MORC1: variants seen among roughly 807,000 people sequenced by gnomAD.
The protein encoded by MORC1 is MORC family CW-type zinc finger 1, also known as MORC family CW-type zinc finger protein 1.
In MORC1, 59 loss-of-function variants were observed where a neutral mutation model predicts 134.9. The observed-to-expected ratio is 0.44, with a 90% CI of 0.35 to 0.54. MORC1 has a LOEUF of 0.54. MORC1 is among the 20% of genes least tolerant of loss of function. The probability of loss-of-function intolerance (pLI) is 0.00; values close to 1 mark genes in which losing one functional copy is unlikely to be tolerated. For synonymous variants in MORC1, 395 were observed against 391.7 expected (o/e 1.01, Z -0.10); for missense variants, 947 against 1,134.5 (o/e 0.83, Z 2.37).
chr3:109,099,571 C>T (rs1950888590), intron 5 of MORC1, 105 bp from the exon 6 acceptor site: 1 of 834,534 alleles, frequency 1.2e-6, no homozygotes, highest in African/African-American at 1.8e-5. Flanking sequence ...TTCTTTCCAA[C>T]ACTCTGTTCT....
intron 17 of MORC1, among the ~76,000 whole-genome samples, chr3:109,024,631 T>A (rs1482960357): frequency 1.3e-5 from 2 of 152,168 alleles, no homozygotes; most frequent in African/African-American, 2.4e-5. Flanking sequence ...TTATATTCAC[T>A]ACACAGGTCT....
chr3:109,081,705 G>A (rs561640231), intron 8 of MORC1, among the ~76,000 whole-genome samples: 18 of 151,982 alleles, frequency 1.2e-4, no homozygotes, highest in African/African-American at 3.1e-4. Flanking sequence ...TGCCTGCCTC[G>A]GCCTCCCAAA....
chr3:108,993,848 C>T (rs1186075709), intron 21 of MORC1, among the ~76,000 whole-genome samples: 3 of 152,044 alleles, frequency 2.0e-5, no homozygotes, highest in African/African-American at 4.8e-5. Flanking sequence ...TGTTATGATT[C>T]GCTATCATGT....
chr3:109,110,876 TC>T (rs1398347852), intron 2 of MORC1, 93 bp from the exon 3 acceptor site: 1 of 907,308 alleles, frequency 1.1e-6, no homozygotes, highest in Non-Finnish European at 1.6e-6. Context: ...AATACAAAAA[TC>T]CACTTAAATT....
intron 8 of MORC1, among the ~76,000 whole-genome samples, chr3:109,083,324 C>A (rs920399525): frequency 6.7e-5 from 6 of 89,912 alleles, no homozygotes; most frequent in Non-Finnish European, 1.2e-4. Flanking sequence ...AAAAAAAAAA[C>A]CTTTTCGAGA....
At chr3:109,075,386 C>T (rs755248395) in intron 8 of MORC1, among the ~76,000 whole-genome samples, 10 of 152,038 alleles carry the variant, frequency 6.6e-5, no homozygotes, top group Non-Finnish European at 1.2e-4. Context: ...CCCATGCCTA[C>T]GTCCTGAATG....
intron 25 of MORC1, among the ~76,000 whole-genome samples, chr3:108,971,052 T>A (rs1256462562): frequency 1.3e-5 from 2 of 152,144 alleles, no homozygotes; most frequent in Non-Finnish European, 2.9e-5. Flanking sequence ...GAACAGAAAC[T>A]CTGTTTTTGG....
At chr3:109,088,431 A>G (rs1488231294) in intron 8 of MORC1, among the ~76,000 whole-genome samples, 3 of 152,182 alleles carry the variant, frequency 2.0e-5, no homozygotes, top group African/African-American at 7.2e-5. Flanking sequence ...GATATTTTTC[A>G]AAAGAAAACA....
intron 18 of MORC1, 84 bp from the exon 19 acceptor site, chr3:109,005,399 A>C: frequency 5.5e-6 from 7 of 1,279,610 alleles, no homozygotes; most frequent in Non-Finnish European, 7.3e-6. Context: ...ACCTCATTAT[A>C]ATAGGTATTT....
At chr3:109,094,636 A>T (rs1269353938) in intron 7 of MORC1, among the ~76,000 whole-genome samples, 1 of 152,132 alleles carries the variant, frequency 6.6e-6, no homozygotes, top group Non-Finnish European at 1.5e-5. Context: ...GCGACTGTGG[A>T]GTCCCTGTGG....
At chr3:109,102,289 A>G (rs1319065276) in intron 4 of MORC1, among the ~76,000 whole-genome samples, 1 of 152,150 alleles carries the variant, frequency 6.6e-6, no homozygotes, top group Non-Finnish European at 1.5e-5. Context: ...AGAGGTGCAT[A>G]GGGCCAAATA....
intron 3 of MORC1, among the ~76,000 whole-genome samples, chr3:109,105,294 G>A (rs1402378296): frequency 6.6e-6 from 1 of 152,202 alleles, no homozygotes; most frequent in East Asian, 1.9e-4. Context: ...GGAGGCCAAG[G>A]TGGGCGGATC....
chr3:109,075,184 T>C lies in MORC1; in HGVS notation c.690-5427A>G, dbSNP rs74455672. Among the ~76,000 whole-genome samples, 776 of 152,296 alleles carry C rather than the reference T, an allele frequency of 5.1e-3. 17 individuals are homozygous for C. Among genetic ancestry groups the C allele is most frequent in the African/African-American group, 0.018 (744 of 41,560 alleles). On this transcript the variant is annotated intron_variant, in intron 8 of 27. Transcript: ENST00000232603. ...ACCTAATGTCTCTGCTGATAGATCA[T>C]GCCATTATGTAAAAGAATATCCTTT...
intron 24 of MORC1, among the ~76,000 whole-genome samples, chr3:108,978,807 T>A (rs747939168): frequency 6.6e-6 from 1 of 152,104 alleles, no homozygotes; most frequent in Non-Finnish European, 1.5e-5. Flanking sequence ...CCCGAGCATC[T>A]CACCCCACAC....
chr3:109,091,640 C>T (rs937918605), intron 8 of MORC1, among the ~76,000 whole-genome samples: 42 of 152,192 alleles, frequency 2.8e-4, no homozygotes, highest in African/African-American at 1.0e-3. Context: ...CTTCTTGGCA[C>T]CATCACAGTA....
At chr3:109,101,443 C>A (rs1950922841) in intron 4 of MORC1, 1 of 152,196 alleles carries the variant, frequency 6.6e-6, no homozygotes, top group Non-Finnish European at 1.5e-5. Context: ...TACCAATCTC[C>A]AGAACCAAGA....
intron 8 of MORC1, among the ~76,000 whole-genome samples, chr3:109,087,969 A>T (rs1950647819): frequency 6.6e-6 from 1 of 152,170 alleles, no homozygotes; most frequent in African/African-American, 2.4e-5. Context: ...AAAAAGAAGC[A>T]ATGGGAAAAG....
intron 8 of MORC1, among the ~76,000 whole-genome samples, chr3:109,071,328 C>T (rs1247109652): frequency 1.3e-5 from 2 of 152,066 alleles, no homozygotes; most frequent in African/African-American, 2.4e-5. Flanking sequence ...TATATACACA[C>T]ACACATATAT....
chr3:109,006,971 TCTC>T, intron 18 of MORC1, 55 bp downstream of exon 18: 1 of 1,432,118 alleles, frequency 7.0e-7, no homozygotes. Context: ...TGATAAGGCT[TCTC>T]CTTCACATGG....
Sources: allele counts gnomAD v4.1 joint callset (sites outside exome capture counted in the v4.1 genomes callset), GRCh38; gene constraint gnomAD v4.1.1; transcripts MANE v1.5; gene names NCBI Gene and HGNC (gene_info 2026-07-23, HGNC 2026-07-21).